Variants in ARL5A observed in about 807,000 individuals in gnomAD.
ARL5A encodes ARF like GTPase 5A, also known as ADP-ribosylation factor-like protein 5A.
A neutral mutation model predicts 25.9 loss-of-function variants in ARL5A; 18 were observed. The observed-to-expected ratio is 0.69, with a 90% confidence interval of 0.48 to 1.03. The LOEUF is 1.03. ARL5A is among the 50% of genes least tolerant of loss of function. The pLI, the probability that ARL5A is intolerant of heterozygous loss-of-function variation, is 0.00. For synonymous variants in ARL5A, 61 were observed against 67.5 expected, an observed-to-expected ratio of 0.90 and a Z score of 0.47; for missense variants, 170 against 211.9, an observed-to-expected ratio of 0.80 and a Z score of 1.23.
chr2:151,814,098 A>G, intron 3 of ARL5A, 71 bp downstream of exon 3: 1 of 1,354,666 alleles, frequency 7.4e-7, no homozygotes, highest in Non-Finnish European at 1.0e-6. Flanking sequence ...AAGATTAACT[A>G]TAAGGACTCA....
At position 151,810,460 on chromosome 2, in the gene ARL5A, A is replaced by C. The variant is rs1223830270; in HGVS notation, c.339+1897T>G. On this transcript the variant is annotated intron_variant, in intron 4 of 5. Coordinates refer to ENST00000295087, the MANE Select transcript of ARL5A (RefSeq NM_012097.4). ...CTTGACCCTACTGAGTACCTTGCTC[A>C]AACTCCCAACTTCATCTGTAATTCC... The C allele has an allele frequency of 8.2e-6, 3 of 364,218 alleles. No individual in the cohort carries two copies. In the Admixed American group the frequency reaches 9.7e-5, roughly 12 times the overall value. The allele number at this position is 364,218 out of a possible 1,614,324, so 22.6% of individuals were successfully genotyped here.
chr2:151,816,771 A>C (rs2099831566), intron 1 of ARL5A, among the ~76,000 whole-genome samples: 1 of 152,222 alleles, frequency 6.6e-6, no homozygotes, highest in African/African-American at 2.4e-5. Context: ...AAGGCTAGTG[A>C]TATCTAGTAC....
intron 1 of ARL5A, among the ~76,000 whole-genome samples, chr2:151,820,981 A>C (rs887397963): frequency 6.6e-6 from 1 of 152,242 alleles, no homozygotes; most frequent in African/African-American, 2.4e-5. Context: ...GTGAATAACT[A>C]AATCCAGGTA....
At chr2:151,806,608 GT>G (rs750033089) in intron 5 of ARL5A, among the ~76,000 whole-genome samples, 25 of 152,028 alleles carry the variant, frequency 1.6e-4, no homozygotes, top group Non-Finnish European at 3.2e-4. Context: ...ATGCTTCCAT[GT>G]TCAGTAGGTT....
rs1245306568 is a variant in ARL5A at position 151,801,055 on chromosome 2, T to C, written c.*2221A>G. 6.6e-6 allele frequency: 1 copy of C among 152,640 alleles called. No individual in the cohort carries two copies. Among genetic ancestry groups the C allele is most frequent in the Non-Finnish European group, 1.5e-5 (1 of 68,018 alleles). 9.5% of individuals were successfully genotyped at this position (152,640 alleles called of 1,614,324 possible). A position where few individuals can be genotyped will look rare whatever the true frequency, so the allele number is the denominator to read the frequency against. ...ATTTTGACATTTTCATATATAAATT[T>C]ATTTTTTTCCCAACTATAATTTTGG... On this transcript the variant is annotated 3_prime_UTR_variant, in exon 6 of 6. Transcript: ENST00000295087.
intron 1 of ARL5A, chr2:151,827,659 G>C (rs1368439105): frequency 6.3e-6 from 1 of 159,594 alleles, no homozygotes; most frequent in African/African-American, 2.4e-5. Context: ...TGGACAAGTC[G>C]AGCGATTCCT....
At chr2:151,807,182 C>A (rs2099830202) in intron 4 of ARL5A, among the ~76,000 whole-genome samples, 1 of 152,056 alleles carries the variant, frequency 6.6e-6, no homozygotes. Context: ...TTTTATGGTC[C>A]TAAGTGCTGT....
chr2:151,810,203 A>G (rs2099830654), intron 4 of ARL5A, among the ~76,000 whole-genome samples: 1 of 152,238 alleles, frequency 6.6e-6, no homozygotes. Flanking sequence ...TGAGTTCTAA[A>G]GTTGTATACT....
At chr2:151,810,002 G>A (rs2099830619) in intron 4 of ARL5A, among the ~76,000 whole-genome samples, 1 of 152,154 alleles carries the variant, frequency 6.6e-6, no homozygotes, top group Non-Finnish European at 1.5e-5. Context: ...AGAATTGCTT[G>A]AACCCAGAAG....
chr2:151,824,624 G>C (rs2099832787), intron 1 of ARL5A, among the ~76,000 whole-genome samples: 1 of 152,158 alleles, frequency 6.6e-6, no homozygotes, highest in Non-Finnish European at 1.5e-5. Flanking sequence ...AACCAAGAGA[G>C]CAATACAAGG....
intron 5 of ARL5A, among the ~76,000 whole-genome samples, chr2:151,804,315 T>C (rs1165382314): frequency 6.6e-6 from 1 of 152,152 alleles, no homozygotes; most frequent in Non-Finnish European, 1.5e-5. Context: ...AACTAAAAGT[T>C]GAGCAAGAGA....
chr2:151,808,550 T>A (rs553136321), intron 4 of ARL5A, among the ~76,000 whole-genome samples: 1 of 152,314 alleles, frequency 6.6e-6, no homozygotes, highest in Admixed American at 6.5e-5. Flanking sequence ...TATATAGTTA[T>A]CTCATTAAGT....
At chr2:151,827,987 G>T in intron 1 of ARL5A, 144 bp downstream of exon 1, 1 of 801,182 alleles carries the variant, frequency 1.2e-6, no homozygotes, top group East Asian at 3.1e-5. Context: ...AACCGTCCCG[G>T]GCCCGTATCC....
At chr2:151,817,020 C>G (rs2099831607) in intron 1 of ARL5A, among the ~76,000 whole-genome samples, 1 of 152,194 alleles carries the variant, frequency 6.6e-6, no homozygotes, top group Non-Finnish European at 1.5e-5. Context: ...CAACTTACAA[C>G]AAGTTTATTG....
chr2:151,813,054 C>A (rs2099831058), intron 3 of ARL5A, among the ~76,000 whole-genome samples: 1 of 152,104 alleles, frequency 6.6e-6, no homozygotes, highest in South Asian at 2.1e-4. Context: ...TGAGCTCCAC[C>A]CCAGCTCTTC....
chr2:151,808,791 T>C (rs777598804), intron 4 of ARL5A, among the ~76,000 whole-genome samples: 1 of 152,178 alleles, frequency 6.6e-6, no homozygotes, highest in African/African-American at 2.4e-5. Flanking sequence ...CTCACACCTG[T>C]AATCCCAGCA....
At chr2:151,811,483 T>C (rs2099830836) in intron 4 of ARL5A, among the ~76,000 whole-genome samples, 1 of 152,102 alleles carries the variant, frequency 6.6e-6, no homozygotes, top group Non-Finnish European at 1.5e-5. Flanking sequence ...AAGTTGACTA[T>C]ATTATTCAGT....
chr2:151,826,340 A>AGCTT (rs1398696420), intron 1 of ARL5A, among the ~76,000 whole-genome samples: 3 of 152,200 alleles, frequency 2.0e-5, no homozygotes, highest in African/African-American at 7.2e-5. Flanking sequence ...TCCCGTCAAA[A>AGCTT]ATTACCACAA....
chr2:151,809,159 A>C (rs894256747), intron 4 of ARL5A, among the ~76,000 whole-genome samples: 2 of 152,202 alleles, frequency 1.3e-5, no homozygotes, highest in African/African-American at 2.4e-5. Flanking sequence ...GTTTCAGTAC[A>C]TCTTGCTAGT....
Sources: allele counts gnomAD v4.1 joint callset (sites outside exome capture counted in the v4.1 genomes callset), GRCh38; gene constraint gnomAD v4.1.1; transcripts MANE v1.5; gene names NCBI Gene and HGNC (gene_info 2026-07-23, HGNC 2026-07-21).